ASPRV1: variants seen among roughly 807,000 people sequenced by gnomAD.
ASPRV1 encodes aspartic peptidase retroviral like 1, also known as retroviral-like aspartic protease 1.
ASPRV1 carries 7 observed loss-of-function variants against 11.0 expected under a neutral mutation model. The ratio of observed to expected loss-of-function variants is 0.64; its 90% CI spans 0.36 to 1.20. ASPRV1 has a LOEUF of 1.20. Ranked by LOEUF, ASPRV1 falls within the 50% of genes most tolerant of loss-of-function variation. The pLI, the probability that ASPRV1 is intolerant of heterozygous loss-of-function variation, is 0.02. For synonymous variants in ASPRV1, 136 were observed against 138.4 expected (o/e 0.98, Z 0.12); for missense variants, 299 against 320.0 (o/e 0.93, Z 0.50).
chr2:70,064,586 C>T, the ASPRV1 span, among the ~76,000 whole-genome samples: 14 of 152,110 alleles, frequency 9.2e-5, no homozygotes, highest in Non-Finnish European at 1.5e-4. Flanking sequence ...CAATGAAGAG[C>T]ACACGCAAAG....
chr2:69,947,073 C>G, the ASPRV1 span, among the ~76,000 whole-genome samples: 2 of 152,224 alleles, frequency 1.3e-5, no homozygotes, highest in African/African-American at 4.8e-5. Context: ...GTAGGTAGAG[C>G]TCTACCCAGA....
At chr2:69,974,343 A>G in the ASPRV1 span, among the ~76,000 whole-genome samples, 1 of 152,034 alleles carries the variant, frequency 6.6e-6, no homozygotes, top group East Asian at 1.9e-4. Flanking sequence ...ATCTCAAAAA[A>G]AAAAAAATTA....
the ASPRV1 span, among the ~76,000 whole-genome samples, chr2:70,057,565 G>A: frequency 1.1e-4 from 17 of 150,544 alleles, no homozygotes; most frequent in Non-Finnish European, 2.4e-4. Context: ...TGCAACCTCC[G>A]CCTCCCAGGT....
At chr2:70,030,932 G>C in the ASPRV1 span, 2 of 152,272 alleles carry the variant, frequency 1.3e-5, no homozygotes, top group East Asian at 1.9e-4. Context: ...TGCCCTGCTA[G>C]AACTGCTAGG....
chr2:70,009,728 T>A, the ASPRV1 span, among the ~76,000 whole-genome samples: 1 of 152,218 alleles, frequency 6.6e-6, no homozygotes, highest in Non-Finnish European at 1.5e-5. Flanking sequence ...GGCAGACCTT[T>A]GGGAAGCCTA....
chr2:70,079,695 A>AT, the ASPRV1 span, among the ~76,000 whole-genome samples: 1 of 152,208 alleles, frequency 6.6e-6, no homozygotes, highest in East Asian at 1.9e-4. Context: ...TGCTACTGAG[A>AT]TATCAAGAAT....
chr2:70,016,952 T>C, the ASPRV1 span, among the ~76,000 whole-genome samples: 1 of 152,058 alleles, frequency 6.6e-6, no homozygotes, highest in African/African-American at 2.4e-5. Context: ...ATAAATATGA[T>C]ACACCACATT....
At chr2:69,937,983 G>A in the ASPRV1 span, 1 of 945,258 alleles carries the variant, frequency 1.1e-6, no homozygotes, top group Admixed American at 2.6e-5. Context: ...CTAACCTCAA[G>A]TGATCCACCC....
At chr2:69,954,129 C>T in the ASPRV1 span, among the ~76,000 whole-genome samples, 1 of 152,246 alleles carries the variant, frequency 6.6e-6, no homozygotes, top group African/African-American at 2.4e-5. Context: ...CATCAAGTCA[C>T]TTCCCTGCCT....
chr2:69,984,343 G>GT, the ASPRV1 span, among the ~76,000 whole-genome samples: 1 of 152,148 alleles, frequency 6.6e-6, no homozygotes, highest in Non-Finnish European at 1.5e-5. Flanking sequence ...CCAGCCAGAA[G>GT]TTTTTAAATA....
chr2:69,969,724 C>T, the ASPRV1 span, among the ~76,000 whole-genome samples: 1 of 152,164 alleles, frequency 6.6e-6, no homozygotes, highest in Non-Finnish European at 1.5e-5. Flanking sequence ...TGTCTTCTCA[C>T]CAGACACCCT....
the ASPRV1 span, chr2:69,935,424 A>G: frequency 6.2e-7 from 1 of 1,614,168 alleles, no homozygotes; most frequent in Non-Finnish European, 8.5e-7. Context: ...AAGTCGACAC[A>G]CTACGTTGAG....
chr2:69,961,193 C>T lies in ASPRV1; in HGVS notation c.244G>A (p.Glu82Lys), dbSNP rs944077133. 9.9e-6 allele frequency: 16 copies of T among 1,613,812 alleles called. No individual in the cohort carries two copies. The highest frequency in any genetic ancestry group is 4.5e-5 in the East Asian group (2 of 44,872). ...ACCCCAAAGGCCTTCAGGAGGGCCTCTTTCACAGTCCCATAGTCTCCCTGG... is the reference window on the plus strand; with the variant it reads ...ACCCCAAAGGCCTTCAGGAGGGCCTTTTTCACAGTCCCATAGTCTCCCTGG... ...QDQGDYGTVK[E>K]ALLKAFGVPG... Residue 82 changes from glutamate (E) to lysine (K), a missense_variant, in exon 1 of 1, where the codon GAG becomes AAG. Glu to Lys is a moderately conservative substitution (Grantham distance 56, BLOSUM62 1). Transcript: ENST00000320256.
chr2:69,986,559 T>C, the ASPRV1 span, among the ~76,000 whole-genome samples: 1 of 152,150 alleles, frequency 6.6e-6, no homozygotes, highest in South Asian at 2.1e-4. Context: ...ACACTGGAAG[T>C]GGGATGACAA....
chr2:69,959,843 T>C (rs538294807), downstream of ASPRV1, among the ~76,000 whole-genome samples: 4 of 152,346 alleles, frequency 2.6e-5, no homozygotes, highest in Non-Finnish European at 5.9e-5. Flanking sequence ...GCAATTTGTA[T>C]GCTAAAATAC....
At chr2:70,061,305 G>A in the ASPRV1 span, among the ~76,000 whole-genome samples, 1 of 150,658 alleles carries the variant, frequency 6.6e-6, no homozygotes, top group Non-Finnish European at 1.5e-5. Flanking sequence ...TGAGACAGGA[G>A]AATCGCTTGA....
the ASPRV1 span, chr2:69,937,144 C>A: frequency 3.9e-6 from 6 of 1,521,596 alleles, no homozygotes; most frequent in African/African-American, 1.4e-5. Context: ...GGAAGTGTGG[C>A]GCATTCCACT....
chr2:70,044,432 T>C, the ASPRV1 span, among the ~76,000 whole-genome samples: 1 of 152,084 alleles, frequency 6.6e-6, no homozygotes, highest in Non-Finnish European at 1.5e-5. Context: ...TGGTCTCCCT[T>C]GGAGAAGAAA....
the ASPRV1 span, among the ~76,000 whole-genome samples, chr2:70,023,719 T>A: frequency 4.6e-5 from 7 of 152,194 alleles, no homozygotes; most frequent in Admixed American, 3.9e-4. Context: ...AATAAAGTAT[T>A]TTCTTGCATT....
Sources: gnomAD v4.1 joint callset for allele counts (sites outside exome capture counted in the v4.1 genomes callset) on GRCh38, gnomAD v4.1.1 for gene constraint, MANE v1.5 for transcripts, NCBI Gene and HGNC (gene_info 2026-07-23, HGNC 2026-07-21) for gene names.